Variants in LARS2 observed in about 807,000 individuals in gnomAD.
The protein encoded by LARS2 is leucine--tRNA ligase, mitochondrial.
A neutral mutation model predicts 116.6 loss-of-function variants in LARS2; 81 were observed. The ratio of observed to expected loss-of-function variants is 0.69; its 90% CI spans 0.58 to 0.84. The LOEUF is 0.84. LARS2 is among the 40% of genes least tolerant of loss of function. The pLI is 0.00. For missense variants in LARS2, 968 were observed against 1,114.5 expected (o/e 0.87, Z 1.87); for synonymous variants, 396 against 407.2 (o/e 0.97, Z 0.33).
chr3:45,427,302 T>C (rs1698611134), intron 6 of LARS2, among the ~76,000 whole-genome samples: 1 of 152,206 alleles, frequency 6.6e-6, no homozygotes, highest in South Asian at 2.1e-4. Flanking sequence ...CTTACAGCAG[T>C]GGTTCTCAAA....
chr3:45,544,482 CA>C (rs778396511), intron 21 of LARS2, among the ~76,000 whole-genome samples: 2 of 152,200 alleles, frequency 1.3e-5, no homozygotes, highest in East Asian at 3.9e-4. Flanking sequence ...GCACTAATGA[CA>C]AAATCCTCTT....
chr3:45,458,713 T>A lies in LARS2; in HGVS notation c.607-30T>A, dbSNP rs1398575829. 4 of 1,608,352 alleles carry A rather than the reference T, an allele frequency of 2.5e-6. No individual in the cohort carries two copies. In the African/African-American group the frequency reaches 5.4e-5, roughly 22 times the overall value. ...AAAAAAAAAAAGAGTACTCACCAGA[T>A]TGTGCCATTTTGTTTCATGAATTAT... On this transcript the variant is annotated intron_variant, in intron 7 of 21. Transcript: ENST00000645846.
At chr3:45,403,991 A>G (rs1698195592) in intron 4 of LARS2, among the ~76,000 whole-genome samples, 1 of 152,230 alleles carries the variant, frequency 6.6e-6, no homozygotes, top group South Asian at 2.1e-4. Context: ...TAATAATCCC[A>G]TAATAAGTGA....
At chr3:45,468,175 T>C (rs1699459613) in intron 8 of LARS2, among the ~76,000 whole-genome samples, 1 of 152,168 alleles carries the variant, frequency 6.6e-6, no homozygotes. Flanking sequence ...CATCATTTAT[T>C]TACACATCTT....
At chr3:45,502,581 T>G (rs1280318780) in intron 15 of LARS2, among the ~76,000 whole-genome samples, 1 of 152,052 alleles carries the variant, frequency 6.6e-6, no homozygotes, top group Non-Finnish European at 1.5e-5. Context: ...CAGCTAATTT[T>G]TGTATTTTTA....
chr3:45,479,077 A>C (rs1699658543), intron 10 of LARS2, among the ~76,000 whole-genome samples: 1 of 152,120 alleles, frequency 6.6e-6, no homozygotes, highest in Non-Finnish European at 1.5e-5. Context: ...TTGTGACTAA[A>C]TTTATCACTT....
chr3:45,521,290 G>A (rs1198771684), intron 19 of LARS2, among the ~76,000 whole-genome samples: 4 of 152,060 alleles, frequency 2.6e-5, no homozygotes, highest in Non-Finnish European at 4.4e-5. Flanking sequence ...GGGCGACAAA[G>A]CAAGACTCCG....
At chr3:45,460,692 A>G (rs1208622439) in intron 8 of LARS2, among the ~76,000 whole-genome samples, 1 of 152,154 alleles carries the variant, frequency 6.6e-6, no homozygotes, top group Non-Finnish European at 1.5e-5. Context: ...ACAGAGAACA[A>G]TGCTATGGGT....
chr3:45,430,242 G>C (rs1291305742), intron 6 of LARS2, among the ~76,000 whole-genome samples: 1 of 146,164 alleles, frequency 6.8e-6, no homozygotes, highest in Non-Finnish European at 1.5e-5. Flanking sequence ...AAAGTTCTAG[G>C]ATTACAGGCG....
intron 7 of LARS2, among the ~76,000 whole-genome samples, chr3:45,452,119 A>T (rs1699139600): frequency 6.6e-6 from 1 of 152,176 alleles, no homozygotes; most frequent in Non-Finnish European, 1.5e-5. Context: ...ATATAAAATC[A>T]TGTTGTCTGC....
intron 1 of LARS2, among the ~76,000 whole-genome samples, chr3:45,390,738 C>T (rs1391836388): frequency 2.6e-5 from 4 of 151,380 alleles, no homozygotes; most frequent in South Asian, 2.1e-4. Context: ...CTGCAAGCTC[C>T]GCCTCCCGGG....
At chr3:45,542,010 C>T in intron 21 of LARS2, 54 bp downstream of exon 21, 3 of 1,602,626 alleles carry the variant, frequency 1.9e-6, no homozygotes, top group Admixed American at 1.7e-5. Context: ...TGCTGGTGGC[C>T]CCTAAATACT....
chr3:45,421,180 C>G (rs1698507691), intron 6 of LARS2: 2 of 152,070 alleles, frequency 1.3e-5, no homozygotes, highest in Non-Finnish European at 2.9e-5. Flanking sequence ...GATTCTCAAT[C>G]CTTCTTGTTC....
intron 8 of LARS2, among the ~76,000 whole-genome samples, chr3:45,472,861 T>C (rs1699548500): frequency 6.6e-6 from 1 of 152,218 alleles, no homozygotes; most frequent in African/African-American, 2.4e-5. Context: ...GTGCTGTTGA[T>C]GTGAAGATTA....
At chr3:45,392,847 T>A (rs1575225015) in intron 2 of LARS2, among the ~76,000 whole-genome samples, 1 of 152,330 alleles carries the variant, frequency 6.6e-6, no homozygotes, top group East Asian at 1.9e-4. Context: ...TTTGAGAGAA[T>A]CAAAGAACAT....
chr3:45,544,781 T>C (rs1045024901), intron 21 of LARS2, among the ~76,000 whole-genome samples: 6 of 152,080 alleles, frequency 3.9e-5, no homozygotes, highest in African/African-American at 1.4e-4. Flanking sequence ...AAATACGTTA[T>C]GAGGAAAAGG....
At chr3:45,529,309 G>A (rs1030140200) in intron 20 of LARS2, among the ~76,000 whole-genome samples, 1 of 151,688 alleles carries the variant, frequency 6.6e-6, no homozygotes, top group Non-Finnish European at 1.5e-5. Context: ...GCTCACACCT[G>A]TAATTTCAGC....
chr3:45,488,439 A>G (rs561883807), intron 11 of LARS2, among the ~76,000 whole-genome samples: 1 of 152,310 alleles, frequency 6.6e-6, no homozygotes, highest in African/African-American at 2.4e-5. Context: ...TCTCAAAACA[A>G]AAACAAAAAC....
chr3:45,518,831 T>C (rs772120431), intron 18 of LARS2, among the ~76,000 whole-genome samples: 3 of 152,176 alleles, frequency 2.0e-5, no homozygotes, highest in African/African-American at 7.2e-5. Context: ...GGTTTTTGCC[T>C]CTCTGGTTTG....
Sources: allele counts gnomAD v4.1 joint callset (sites outside exome capture counted in the v4.1 genomes callset), GRCh38; gene constraint gnomAD v4.1.1; transcripts MANE v1.5; gene names NCBI Gene and HGNC (gene_info 2026-07-23, HGNC 2026-07-21).